Variants in KCNH5 observed in about 807,000 individuals in gnomAD.
The protein encoded by KCNH5 is potassium voltage-gated channel subfamily H member 5.
In KCNH5, 46 loss-of-function variants were observed where a neutral mutation model predicts 96.1. The observed-to-expected ratio is 0.48, with a 90% CI of 0.38 to 0.61. The LOEUF is 0.61. Ranked by LOEUF, KCNH5 falls within the 20% of genes least tolerant of loss-of-function variation. The probability of loss-of-function intolerance (pLI) is 0.00; values close to 1 mark genes in which losing one functional copy is unlikely to be tolerated. For missense variants in KCNH5, 907 were observed against 1,225.8 expected, an observed-to-expected ratio of 0.74 and a Z score of 3.88; for synonymous variants, 439 against 449.8, an observed-to-expected ratio of 0.98 and a Z score of 0.30.
At chr14:62,822,794 G>C (rs1231007393) in intron 8 of KCNH5, among the ~76,000 whole-genome samples, 1 of 151,868 alleles carries the variant, frequency 6.6e-6, no homozygotes, top group East Asian at 1.9e-4. Flanking sequence ...TTCATAGATA[G>C]AGTAGGTACA....
chr14:62,811,512 C>G (rs1278880988), intron 8 of KCNH5, among the ~76,000 whole-genome samples: 2 of 152,138 alleles, frequency 1.3e-5, no homozygotes, highest in African/African-American at 2.4e-5. Context: ...ATTTATCTGT[C>G]AAAGCACAGA....
In KCNH5 at chr14:62,854,544, T is replaced by C. The variant is rs990702690; in HGVS notation, c.1370-4692A>G. Among the ~76,000 whole-genome samples, 12 of 152,150 alleles carry C rather than the reference T, an allele frequency of 7.9e-5. No homozygotes were observed. The East Asian group carries it at 1.7e-3, about 22-fold the overall frequency. On this transcript the variant is annotated intron_variant, in intron 7 of 10. Transcript: ENST00000322893. ...ATTCATTGAACATGAATTCCCATGG[T>C]CTGGCCAGTTTTGTCAGTTTTATAG...
At chr14:62,952,284 T>G (rs1049194067) in intron 6 of KCNH5, among the ~76,000 whole-genome samples, 1 of 152,012 alleles carries the variant, frequency 6.6e-6, no homozygotes, top group African/African-American at 2.4e-5. Context: ...CTTTAGTCAG[T>G]TAAAAAGAGT....
At chr14:62,999,740 C>A (rs975457297) in intron 4 of KCNH5, among the ~76,000 whole-genome samples, 8 of 145,770 alleles carry the variant, frequency 5.5e-5, no homozygotes, top group African/African-American at 1.5e-4. Flanking sequence ...GGAGGGATAG[C>A]ATTAGGAGAT....
At chr14:62,733,546 G>A (rs916222618) in intron 10 of KCNH5, among the ~76,000 whole-genome samples, 2 of 151,774 alleles carry the variant, frequency 1.3e-5, no homozygotes, top group Middle Eastern at 3.4e-3. Flanking sequence ...CAGCCCAAAC[G>A]AAGACATATA....
intron 6 of KCNH5, among the ~76,000 whole-genome samples, chr14:62,978,493 C>T (rs1042373697): frequency 1.3e-5 from 2 of 150,466 alleles, no homozygotes; most frequent in Non-Finnish European, 3.0e-5. Context: ...AAGCTGAGGC[C>T]GGAGAATGGC....
chr14:62,786,675 G>A (rs376820112), intron 9 of KCNH5, among the ~76,000 whole-genome samples: 7 of 152,136 alleles, frequency 4.6e-5, no homozygotes, highest in South Asian at 2.1e-4. Context: ...ACTCAGTGTC[G>A]AACAAGTCTA....
chr14:62,995,469 T>G (rs1041514624), intron 4 of KCNH5, among the ~76,000 whole-genome samples: 5 of 152,156 alleles, frequency 3.3e-5, no homozygotes, highest in African/African-American at 1.2e-4. Context: ...TCTTCTCTTA[T>G]TCACTTGACC....
At chr14:62,839,691 C>T (rs1158704204) in intron 8 of KCNH5, among the ~76,000 whole-genome samples, 3 of 152,060 alleles carry the variant, frequency 2.0e-5, no homozygotes, top group African/African-American at 7.2e-5. Flanking sequence ...ACACACAGAC[C>T]ATTTAATATT....
At chr14:62,906,116 T>G (rs1889022034) in intron 7 of KCNH5, among the ~76,000 whole-genome samples, 1 of 152,254 alleles carries the variant, frequency 6.6e-6, no homozygotes. Flanking sequence ...CCACAATCAC[T>G]GTTTATTGGC....
At chr14:62,971,257 G>T (rs1010154682) in intron 6 of KCNH5, among the ~76,000 whole-genome samples, 20 of 151,994 alleles carry the variant, frequency 1.3e-4, no homozygotes, top group Admixed American at 1.0e-3. Flanking sequence ...AAACCATAAT[G>T]CCATTTACTT....
chr14:62,783,002 T>A (rs1886250625), intron 9 of KCNH5, among the ~76,000 whole-genome samples: 1 of 152,154 alleles, frequency 6.6e-6, no homozygotes, highest in Admixed American at 6.5e-5. Context: ...AAATGCTCAC[T>A]GAAGTGAAAT....
chr14:62,894,410 A>G (rs965368091), intron 7 of KCNH5, among the ~76,000 whole-genome samples: 1 of 152,214 alleles, frequency 6.6e-6, no homozygotes, highest in African/African-American at 2.4e-5. Context: ...ACTGTCATCA[A>G]TCAAGCAATT....
intron 6 of KCNH5, among the ~76,000 whole-genome samples, chr14:62,963,885 C>T (rs1436151111): frequency 6.6e-6 from 1 of 152,104 alleles, no homozygotes; most frequent in East Asian, 1.9e-4. Flanking sequence ...AACTAAAGAT[C>T]TACAAACCCT....
intron 7 of KCNH5, among the ~76,000 whole-genome samples, chr14:62,873,079 G>T (rs1328256573): frequency 1.3e-5 from 2 of 151,406 alleles, no homozygotes; most frequent in Admixed American, 1.3e-4. Context: ...GAACCCAGGA[G>T]GCAGAGCTTG....
In KCNH5 at chr14:62,981,147, T is replaced by C; in HGVS notation, c.667A>G (p.Ile223Val). ...ATAATGGCGGTGTAGAAGGTAAGAA[T>C]TAAAATCACCCAATCCCAAGTAGTT... ...FKTTWDWVIL[I>V]LTFYTAIMVP... is the part of the protein sequence containing the mutation. The change falls in exon 6 of 11, where the codon ATT becomes GTT. Residue 223 changes from isoleucine to valine, a missense_variant. By Grantham distance (29) the Ile-to-Val change is conservative. This residue lies in a region of KCNH5 where 370 missense variants were observed against 561.3 expected (regional missense o/e 0.66). Coordinates refer to ENST00000322893, the MANE Select transcript of KCNH5 (RefSeq NM_139318.5). 6.2e-7 allele frequency: 1 copy of C among 1,614,178 alleles called. No homozygotes were observed. Among genetic ancestry groups the C allele is most frequent in the Non-Finnish European group, 8.5e-7 (1 of 1,180,008 alleles).
intron 1 of KCNH5, among the ~76,000 whole-genome samples, chr14:63,031,847 A>G (rs1387760314): frequency 6.6e-6 from 1 of 152,180 alleles, no homozygotes; most frequent in Non-Finnish European, 1.5e-5. Context: ...TATGTATATA[A>G]AAACAATGTT....
chr14:63,040,375 A>G (rs1891800368), intron 1 of KCNH5, among the ~76,000 whole-genome samples: 2 of 152,136 alleles, frequency 1.3e-5, no homozygotes, highest in South Asian at 4.1e-4. Context: ...CATTCATTAT[A>G]TAACACAGTG....
intron 7 of KCNH5, among the ~76,000 whole-genome samples, chr14:62,914,276 A>G (rs1235726526): frequency 1.3e-5 from 2 of 152,186 alleles, no homozygotes; most frequent in Non-Finnish European, 2.9e-5. Context: ...ACTCATGTTT[A>G]TATTTTCTGG....
Sources: allele counts gnomAD v4.1 joint callset (sites outside exome capture counted in the v4.1 genomes callset), GRCh38; gene constraint gnomAD v4.1.1; regional missense constraint gnomAD v4.1.1; transcripts MANE v1.5; gene names NCBI Gene and HGNC (gene_info 2026-07-23, HGNC 2026-07-21).